TAF4: variants seen among roughly 807,000 people sequenced by gnomAD.
The protein encoded by TAF4 is TATA-box binding protein associated factor 4, also known as transcription initiation factor TFIID subunit 4.
Under a neutral mutation model 90.3 loss-of-function variants are expected in TAF4, and 9 were observed. The observed-to-expected ratio is 0.10, with a 90% CI of 0.06 to 0.17. The LOEUF is 0.17. Among genes scored for constraint, TAF4 ranks in the 10% least tolerant of loss-of-function variants. TAF4 has a pLI of 1.00. For missense variants in TAF4, 1,351 were observed against 1,370.7 expected, an observed-to-expected ratio of 0.99 and a Z score of 0.23; for synonymous variants, 818 against 638.9, an observed-to-expected ratio of 1.28 and a Z score of -4.23.
Position 62,065,472 on chromosome 20 carries a change from G to C in TAF4, c.339C>G (p.Pro113=). ...GCGGCGCGGGCCCTGCGGGGACAAG[G>C]GGGCGGCGCGGTGAGGGGGGGCCCG... is the stretch of plus-strand genomic sequence containing the variant. ...QRPGPPSPRR[P]LVPAGPAPPA... Residue 113 remains proline (P), a synonymous_variant, in exon 1 of 15, where the codon CCC becomes CCG. Transcript: ENST00000252996. 11 of 975,450 alleles carry C rather than the reference G, an allele frequency of 1.1e-5. No individual in the cohort carries two copies. The highest frequency in any genetic ancestry group is 1.3e-5 in the Non-Finnish European group (11 of 824,094). The allele number at this position is 975,450 out of a possible 1,614,324, so 60.4% of individuals were successfully genotyped here.
intron 6 of TAF4, among the ~76,000 whole-genome samples, chr20:62,007,169 G>A (rs1178533399): frequency 2.0e-5 from 3 of 152,122 alleles, no homozygotes; most frequent in South Asian, 2.1e-4. Context: ...ACAAATATAC[G>A]TATTGATTTT....
intron 1 of TAF4, among the ~76,000 whole-genome samples, chr20:62,030,704 C>T (rs1421276238): frequency 6.6e-6 from 1 of 152,192 alleles, no homozygotes; most frequent in Non-Finnish European, 1.5e-5. Context: ...AAACAAATTT[C>T]GTCCAAAAAC....
intron 1 of TAF4, among the ~76,000 whole-genome samples, chr20:62,057,041 C>T (rs775234783): frequency 5.9e-5 from 9 of 152,192 alleles, no homozygotes; most frequent in South Asian, 2.1e-4. Context: ...ACGGAGACCA[C>T]GCTCCTCCGC....
intron 7 of TAF4, 129 bp from the exon 8 acceptor site, chr20:62,004,007 C>T (rs1385499420): frequency 1.7e-6 from 2 of 1,186,114 alleles, no homozygotes; most frequent in Non-Finnish European, 1.1e-6. Context: ...CCTAGGAAGA[C>T]CCCGTGTGCA....
chr20:62,064,207 A>G, intron 1 of TAF4: 1 of 406,062 alleles, frequency 2.5e-6, no homozygotes, highest in Non-Finnish European at 4.3e-6. Context: ...CCCCAGGCAC[A>G]GGCAGCCAGC....
At chr20:62,014,040 G>A (rs953751245) in intron 2 of TAF4, among the ~76,000 whole-genome samples, 3 of 134,814 alleles carry the variant, frequency 2.2e-5, no homozygotes, top group East Asian at 2.4e-4. Context: ...GTGTGTGTGT[G>A]TGTGTATGTG....
At chr20:62,014,202 AGAT>A (rs1431435853) in intron 2 of TAF4, among the ~76,000 whole-genome samples, 2 of 152,074 alleles carry the variant, frequency 1.3e-5, no homozygotes, top group Non-Finnish European at 2.9e-5. Flanking sequence ...TCTACTTTGC[AGAT>A]GAGGGGACAG....
chr20:61,978,085 G>A (rs932422455), intron 14 of TAF4, among the ~76,000 whole-genome samples: 14 of 127,936 alleles, frequency 1.1e-4, no homozygotes, highest in Admixed American at 1.0e-3. Context: ...GGGAGGGCGC[G>A]AGACCAACCA....
intron 14 of TAF4, among the ~76,000 whole-genome samples, chr20:61,976,874 C>A (rs916125476): frequency 1.3e-5 from 2 of 152,218 alleles, no homozygotes; most frequent in Admixed American, 6.5e-5. Flanking sequence ...TGGGCCCTGG[C>A]TGCACAGACG....
intron 1 of TAF4, among the ~76,000 whole-genome samples, chr20:62,047,890 C>T (rs971195211): frequency 6.6e-6 from 1 of 152,204 alleles, no homozygotes; most frequent in Non-Finnish European, 1.5e-5. Context: ...AACACCAGCA[C>T]CCGGGATTCC....
At position 62,054,621 on chromosome 20, in the gene TAF4, C is replaced by T. The variant is rs78591990; in HGVS notation, c.1360+9830G>A. Among the ~76,000 whole-genome samples the T allele has an allele frequency of 6.7e-3, 1,023 of 152,300 alleles. 10 individuals carry two copies. Among genetic ancestry groups the T allele is most frequent in the African/African-American group, 0.023 (973 of 41,564 alleles). On this transcript the variant is annotated intron_variant, in intron 1 of 14. Transcript: ENST00000252996. ...TGCAACCTCCTCCACCAGGCTCCTG[C>T]ACCCAGGTGTCCACCCTCACCACCC...
At chr20:62,026,626 A>G (rs2055876096) in intron 1 of TAF4, among the ~76,000 whole-genome samples, 1 of 151,794 alleles carries the variant, frequency 6.6e-6, no homozygotes, top group South Asian at 2.1e-4. Context: ...CACCCTCCAC[A>G]CCCTCTGGAA....
chr20:62,011,664 C>T (rs1034459391), intron 3 of TAF4, among the ~76,000 whole-genome samples: 6 of 152,224 alleles, frequency 3.9e-5, no homozygotes, highest in East Asian at 1.9e-4. Context: ...GCCGGGGTTG[C>T]GGGGGGAGCT....
chr20:62,063,526 G>A (rs1329206936), intron 1 of TAF4, among the ~76,000 whole-genome samples: 3 of 152,190 alleles, frequency 2.0e-5, no homozygotes, highest in African/African-American at 4.8e-5. Context: ...GGGGCCCTGA[G>A]GAGTCGCAGA....
chr20:62,038,352 A>G (rs1045182622), intron 1 of TAF4, among the ~76,000 whole-genome samples: 1 of 151,956 alleles, frequency 6.6e-6, no homozygotes, highest in South Asian at 2.1e-4. Context: ...TAGTAGAGAC[A>G]GGGTTTCACA....
chr20:61,977,896 T>C (rs1387098862), intron 14 of TAF4, among the ~76,000 whole-genome samples: 2 of 152,232 alleles, frequency 1.3e-5, no homozygotes, highest in Non-Finnish European at 2.9e-5. Flanking sequence ...GTTTGATGTT[T>C]CTATCTTCAA....
intron 12 of TAF4, 21 bp from the exon 13 acceptor site, chr20:61,998,213 A>G: frequency 6.2e-7 from 1 of 1,610,154 alleles, no homozygotes; most frequent in Non-Finnish European, 8.5e-7. Context: ...AAGAGGCAGA[A>G]AAGAAAAGTA....
intron 8 of TAF4, 147 bp from the exon 9 acceptor site, chr20:62,003,421 A>C (rs1184365457): frequency 2.8e-6 from 2 of 702,104 alleles, no homozygotes; most frequent in East Asian, 5.4e-5. Flanking sequence ...AATAACTCTA[A>C]ATTACAGTAC....
chr20:62,018,222 C>A (rs934310069), intron 1 of TAF4, among the ~76,000 whole-genome samples: 4 of 152,212 alleles, frequency 2.6e-5, no homozygotes, highest in African/African-American at 9.6e-5. Context: ...ACTTTCTTGT[C>A]CGCCTCCCTG....
Sources: gnomAD v4.1 joint callset for allele counts (sites outside exome capture counted in the v4.1 genomes callset) on GRCh38, gnomAD v4.1.1 for gene constraint, MANE v1.5 for transcripts, NCBI Gene and HGNC (gene_info 2026-07-23, HGNC 2026-07-21) for gene names.